Variants in WDFY1 observed in about 807,000 individuals in gnomAD.
WDFY1 encodes WD repeat and FYVE domain containing 1.
In WDFY1, 32 loss-of-function variants were observed where a neutral mutation model predicts 56.4. The observed-to-expected ratio is 0.57, with a 90% CI of 0.43 to 0.76. The LOEUF (loss-of-function observed/expected upper bound fraction) is 0.76. WDFY1 is among the 30% of genes least tolerant of loss of function. The probability of loss-of-function intolerance (pLI) is 0.00; values close to 1 mark genes in which losing one functional copy is unlikely to be tolerated. For synonymous variants in WDFY1, 192 were observed against 197.3 expected (o/e 0.97, Z 0.23); for missense variants, 480 against 545.7 (o/e 0.88, Z 1.20).
In WDFY1 at chr2:223,901,166, G is replaced by A. The variant is rs374044423; in HGVS notation, c.485+17C>T. On this transcript the variant is annotated intron_variant, in intron 5 of 11. Transcript: ENST00000233055. The stretch of plus-strand genomic sequence containing the variant: ...CAGAGGCCAGGGGAAGGAGAGGTCC[G>A]TGGCTCTGAAGGATACTGCAGACAC... 3.7e-5 allele frequency: 59 copies of A among 1,607,416 alleles called. No homozygotes were observed. Among genetic ancestry groups the A allele is most frequent in the East Asian group, 2.9e-4 (13 of 44,650 alleles).
rs35246074 is a variant in WDFY1, at chr2:223,932,117, C to CTTTTT, written c.137+13026_137+13030dup. Among the ~76,000 whole-genome samples, 75 of 94,024 alleles carry CTTTTT rather than the reference C, an allele frequency of 8.0e-4. 2 individuals are homozygous for CTTTTT. The highest frequency in any genetic ancestry group is 1.3e-3 in the African/African-American group (30 of 22,906). The allele number at this position is 94,024 out of a possible 152,430, so 61.7% of individuals were successfully genotyped here. On this transcript the variant is annotated intron_variant, in intron 1 of 11. Transcript: ENST00000233055. Reference sequence around the variant, plus strand: ...TAGTATGTATTACCAGTATGAGTACCTTTTTTTTTTTTTTTTTTTTTTTGA... The same window carrying CTTTTT: ...TAGTATGTATTACCAGTATGAGTACCTTTTTTTTTTTTTTTTTTTTTTTTTTTTGA...
At chr2:223,905,771 A>C (rs1034754576) in intron 4 of WDFY1, among the ~76,000 whole-genome samples, 176 bp downstream of exon 4, 10 of 152,360 alleles carry the variant, frequency 6.6e-5, no homozygotes, top group African/African-American at 2.2e-4. Flanking sequence ...CAAAATTTTA[A>C]ATGTTAATGA....
At chr2:223,897,205 T>C (rs1693395921) in intron 6 of WDFY1, among the ~76,000 whole-genome samples, 1 of 151,702 alleles carries the variant, frequency 6.6e-6, no homozygotes, top group Non-Finnish European at 1.5e-5. Context: ...TTTCAGCAAC[T>C]CCCCAGTTCT....
chr2:223,880,765 AT>A (rs386392765), intron 10 of WDFY1, among the ~76,000 whole-genome samples: 8 of 149,530 alleles, frequency 5.4e-5, no homozygotes, highest in African/African-American at 1.5e-4. Context: ...AAAATAACTG[AT>A]TTTTTTTTTT....
intron 8 of WDFY1, among the ~76,000 whole-genome samples, chr2:223,887,543 A>G (rs538277253): frequency 1.3e-5 from 2 of 152,372 alleles, no homozygotes. Context: ...AGTGTAAAAA[A>G]GACCTGACTT....
At chr2:223,884,505 G>C (rs1574757336) in intron 9 of WDFY1, 143 bp downstream of exon 9, 2 of 766,300 alleles carry the variant, frequency 2.6e-6, no homozygotes, top group East Asian at 5.0e-5. Context: ...CTCATTGTTA[G>C]TCACACAATG....
At chr2:223,901,539 C>G (rs1693508252) in intron 4 of WDFY1, among the ~76,000 whole-genome samples, 1 of 152,204 alleles carries the variant, frequency 6.6e-6, no homozygotes. Context: ...AGGCGGTGCC[C>G]TCTGCTCCCC....
intron 2 of WDFY1, among the ~76,000 whole-genome samples, chr2:223,913,837 A>G (rs1015972259): frequency 6.6e-6 from 1 of 152,110 alleles, no homozygotes; most frequent in Non-Finnish European, 1.5e-5. Context: ...CAAAAAGAAA[A>G]AAAAGGCTTC....
intron 1 of WDFY1, among the ~76,000 whole-genome samples, chr2:223,919,066 C>A (rs1373348968): frequency 1.3e-5 from 2 of 152,208 alleles, no homozygotes; most frequent in African/African-American, 4.8e-5. Flanking sequence ...ACTCTCAGGG[C>A]CTCTGGGCGC....
rs1693005980 is a variant in WDFY1, at chr2:223,878,326, TTTGAGAAGG to T, written c.*336_*344del. The stretch of plus-strand genomic sequence containing the variant: ...GTGAAGTGTCTGTACTTGTGACTGC[TTTGAGAAGG>T]TTCTAAGCATTCACTTTTTTGTTTG... On this transcript the variant is annotated 3_prime_UTR_variant, in exon 12 of 12. Transcript: ENST00000233055. 5.6e-6 allele frequency: 1 copy of T among 177,582 alleles called. No individual in the cohort carries two copies. Among genetic ancestry groups the T allele is most frequent in the Admixed American group, 6.2e-5 (1 of 16,222 alleles). 11.0% of individuals were successfully genotyped at this position (177,582 alleles called of 1,614,324 possible).
At position 223,881,972 on chromosome 2, in the gene WDFY1, T is replaced by C; in HGVS notation, c.1034A>G (p.Asp345Gly). Residue 345 changes from aspartate (D) to glycine (G), a missense_variant, in exon 10 of 12, where the codon GAT (aspartate) becomes GGT (glycine). Coordinates refer to ENST00000233055, the MANE Select transcript of WDFY1 (RefSeq NM_020830.5). ...ATCTTTGATGGAGTCGTAACAAGAA[T>C]CACAAACCCGGACTTGGAACTCGAA... is the stretch of plus-strand genomic sequence containing the variant. ...MGFEFQVRVC[D>G]SCYDSIKDED... is the part of the protein sequence containing the mutation. 6.2e-7 allele frequency: 1 copy of C among 1,613,938 alleles called. No homozygotes were observed. Among genetic ancestry groups the C allele is most frequent in the Non-Finnish European group, 8.5e-7 (1 of 1,179,880 alleles).
chr2:223,896,580 G>A (rs1270551392), intron 6 of WDFY1, among the ~76,000 whole-genome samples: 1 of 152,132 alleles, frequency 6.6e-6, no homozygotes, highest in Non-Finnish European at 1.5e-5. Flanking sequence ...TCTTTCAGTA[G>A]GTCCTTTCCT....
At chr2:223,927,083 T>C (rs753873478) in intron 1 of WDFY1, among the ~76,000 whole-genome samples, 2 of 152,246 alleles carry the variant, frequency 1.3e-5, no homozygotes, top group Non-Finnish European at 2.9e-5. Context: ...CCAGGCTTTG[T>C]TGTTCCATTT....
chr2:223,880,479 C>T (rs1182402750), intron 10 of WDFY1, among the ~76,000 whole-genome samples: 3 of 151,816 alleles, frequency 2.0e-5, no homozygotes, highest in East Asian at 3.9e-4. Flanking sequence ...TGGTGGCACA[C>T]GCCTGTAATC....
intron 3 of WDFY1, among the ~76,000 whole-genome samples, chr2:223,909,864 T>C (rs518151): frequency 0.88 from 133,177 of 152,020 alleles, 58,880 homozygotes; most frequent in Non-Finnish European, 0.95. Context: ...ATCTGTTCTC[T>C]ACCCAGTAGC....
intron 3 of WDFY1, among the ~76,000 whole-genome samples, chr2:223,907,957 T>C (rs765472597): frequency 7.9e-5 from 12 of 152,024 alleles, no homozygotes; most frequent in Admixed American, 3.3e-4. Flanking sequence ...CTTCCCAGGC[T>C]CAAGTGATCC....
At chr2:223,879,491 A>G (rs148555501) in intron 11 of WDFY1, among the ~76,000 whole-genome samples, 71 of 152,058 alleles carry the variant, frequency 4.7e-4, no homozygotes, top group Non-Finnish European at 7.9e-4. Flanking sequence ...CCCAATCTCT[A>G]TGAAAAATCC....
chr2:223,943,234 C>T (rs558306473), intron 1 of WDFY1, among the ~76,000 whole-genome samples: 1 of 151,894 alleles, frequency 6.6e-6, no homozygotes, highest in African/African-American at 2.4e-5. Context: ...TTTCAGGTCC[C>T]CACCTTCTCC....
intron 4 of WDFY1, among the ~76,000 whole-genome samples, 159 bp from the exon 5 acceptor site, chr2:223,901,492 C>A (rs1469365531): frequency 1.3e-5 from 2 of 152,202 alleles, no homozygotes; most frequent in Non-Finnish European, 2.9e-5. Context: ...AGACAACCCG[C>A]CCCAGCTCAA....
Sources: allele counts gnomAD v4.1 joint callset (sites outside exome capture counted in the v4.1 genomes callset), GRCh38; gene constraint gnomAD v4.1.1; transcripts MANE v1.5; gene names NCBI Gene and HGNC (gene_info 2026-07-23, HGNC 2026-07-21).